TMUB2: variants seen among roughly 807,000 people sequenced by gnomAD.
The protein encoded by TMUB2 is transmembrane and ubiquitin like domain containing 2, also known as transmembrane and ubiquitin-like domain-containing protein 2.
TMUB2 carries 19 observed loss-of-function variants against 20.2 expected under a neutral mutation model. The ratio of observed to expected loss-of-function variants is 0.94; its 90% confidence interval spans 0.66 to 1.38. TMUB2 has a LOEUF of 1.38. Ranked by LOEUF, TMUB2 falls within the 40% of genes most tolerant of loss-of-function variation. The pLI is 0.00. For synonymous variants in TMUB2, 186 were observed against 166.0 expected, an observed-to-expected ratio of 1.12 and a Z score of -0.92; for missense variants, 426 against 402.5, an observed-to-expected ratio of 1.06 and a Z score of -0.50.
rs558962821 is a variant in TMUB2, at chr17:44,188,005, G to A, written c.35+262G>A. 1,404 of 518,962 alleles carry A rather than the reference G, an allele frequency of 2.7e-3. 6 individuals are homozygous for A. The highest frequency in any genetic ancestry group is 2.9e-3 in the Non-Finnish European group (821 of 287,362). The allele number at this position is 518,962 out of a possible 1,614,324, so 32.1% of individuals were successfully genotyped here. A position where few individuals can be genotyped will look rare whatever the true frequency, so the allele number is the denominator to read the frequency against. On this transcript the variant is annotated intron_variant, in intron 2 of 3. Coordinates refer to ENST00000538716, the MANE Select transcript of TMUB2 (RefSeq NM_001076674.3). The stretch of plus-strand genomic sequence containing the variant: ...CTACCAGGAGTCTAATAGAAAGATG[G>A]ACAGGTACATAAGTATAATGAAGTT...
At chr17:44,188,505 G>C (rs2054819715) in intron 2 of TMUB2, among the ~76,000 whole-genome samples, 1 of 152,202 alleles carries the variant, frequency 6.6e-6, no homozygotes, top group African/African-American at 2.4e-5. Flanking sequence ...TCTGTGACCA[G>C]GAATGAAATA....
intron 1 of TMUB2, chr17:44,187,407 G>A: frequency 2.4e-6 from 1 of 420,304 alleles, no homozygotes; most frequent in South Asian, 3.1e-5. Context: ...AAGGGTGCGG[G>A]ACCCCTCCTC....
intron 3 of TMUB2, 152 bp from the exon 4 acceptor site, chr17:44,190,349 C>CAAAA (rs34097625): frequency 2.1e-4 from 68 of 324,736 alleles, no homozygotes; most frequent in African/African-American, 1.3e-3. Context: ...GACTCCGTCT[C>CAAAA]AAAAAAAAAA....
In TMUB2 at chr17:44,191,054, G is replaced by A. The variant is rs888273841; in HGVS notation, c.*190G>A. ...CCACAGGAGTACAGATGTCCCTCCCGTGCGAGCACAACTCAGGTAGAAATG... is the reference window on the plus strand; with the variant it reads ...CCACAGGAGTACAGATGTCCCTCCCATGCGAGCACAACTCAGGTAGAAATG... On this transcript the variant is annotated 3_prime_UTR_variant, in exon 4 of 4. Coordinates refer to ENST00000538716, the MANE Select transcript of TMUB2 (RefSeq NM_001076674.3). The A allele has an allele frequency of 1.1e-5, 16 of 1,397,796 alleles. No homozygotes were observed. The highest frequency in any genetic ancestry group is 1.6e-5 in the South Asian group (1 of 61,814). 86.6% of individuals were successfully genotyped at this position (1,397,796 alleles called of 1,614,324 possible). A position where few individuals can be genotyped will look rare whatever the true frequency, so the allele number is the denominator to read the frequency against.
rs1376511682 is a variant in TMUB2, at chr17:44,190,699, T to C, written c.801T>C (p.Gly267=). 2 of 1,614,078 alleles carry C rather than the reference T, an allele frequency of 1.2e-6. No homozygotes were observed. Among genetic ancestry groups the C allele is most frequent in the African/African-American group, 2.7e-5 (2 of 74,928 alleles). Residue 267 remains glycine (G), a synonymous_variant, in exon 4 of 4, where the codon GGT becomes GGC. Transcript: ENST00000538716. ...APSATEPPSL[G]VNVGSLMVPV... is the part of the protein sequence containing the mutation. ...CGGCCACTGAGCCACCCAGCCTTGGTGTCAATGTGGGCAGCCTCATGGTGC... is the reference window on the plus strand; with the variant it reads ...CGGCCACTGAGCCACCCAGCCTTGGCGTCAATGTGGGCAGCCTCATGGTGC...
Position 44,189,438 on chromosome 17 carries a change from G to A in TMUB2, c.452G>A (p.Gly151Asp). 4.3e-6 allele frequency: 7 copies of A among 1,614,088 alleles called. No individual in the cohort carries two copies. The highest frequency in any genetic ancestry group is 5.9e-6 in the Non-Finnish European group (7 of 1,180,004). The change falls in exon 3 of 4, where the codon GGC (glycine) becomes GAC (aspartate). Residue 151 changes from glycine to aspartate, a missense_variant. Physicochemically the swap from Gly to Asp is moderately conservative, Grantham distance 94 (BLOSUM62 -1). Transcript: ENST00000538716. Reference protein sequence around the residue: ...QGLPKRQAGAGSSSPEAPLRS... With the variant: ...QGLPKRQAGADSSSPEAPLRS... ...CTGCCCAAAAGACAAGCAGGTGCAGGCAGCAGCAGTCCAGAGGCCCCCCTG... is the reference window on the plus strand; with the variant it reads ...CTGCCCAAAAGACAAGCAGGTGCAGACAGCAGCAGTCCAGAGGCCCCCCTG...
chr17:44,189,989 C>T (rs967234928), intron 3 of TMUB2: 4 of 162,012 alleles, frequency 2.5e-5, no homozygotes, highest in Non-Finnish European at 5.2e-5. Flanking sequence ...CCAGCCTGGG[C>T]GACAGAGTGA....
rs1213702434 is a variant in TMUB2, at chr17:44,187,704, C to T, written c.-5C>T. On this transcript the variant is annotated 5_prime_UTR_variant, in exon 2 of 4. Coordinates refer to ENST00000538716, the MANE Select transcript of TMUB2 (RefSeq NM_001076674.3). ...GCCAGGCACTGTGCCAAGTATTTTGCTTCGATGATTTCACGTCATCTTCAA... is the reference window on the plus strand; with the variant it reads ...GCCAGGCACTGTGCCAAGTATTTTGTTTCGATGATTTCACGTCATCTTCAA... The T allele has an allele frequency of 2.8e-6, 2 of 718,472 alleles. No homozygotes were observed. Among genetic ancestry groups the T allele is most frequent in the Non-Finnish European group, 5.2e-6 (2 of 385,078 alleles). The allele number at this position is 718,472 out of a possible 1,614,324, so 44.5% of individuals were successfully genotyped here. A position where few individuals can be genotyped will look rare whatever the true frequency, so the allele number is the denominator to read the frequency against.
chr17:44,191,271 G>C lies in TMUB2; in HGVS notation c.*407G>C. ...CTCAGCATGGCCCCAGCACAACTCC[G>C]TAGGGAGCCTGGAGTATCCTTCCAT... On this transcript the variant is annotated 3_prime_UTR_variant, in exon 4 of 4. Coordinates refer to ENST00000538716, the MANE Select transcript of TMUB2 (RefSeq NM_001076674.3). 1 of 1,005,626 alleles carries C rather than the reference G, an allele frequency of 9.9e-7. No individual in the cohort carries two copies. The highest frequency in any genetic ancestry group is 4.2e-5 in the South Asian group (1 of 23,632). 62.3% of individuals were successfully genotyped at this position (1,005,626 alleles called of 1,614,324 possible).
chr17:44,187,962 AATAC>A, intron 2 of TMUB2: 1 of 568,134 alleles, frequency 1.8e-6, no homozygotes, highest in South Asian at 2.2e-5. Flanking sequence ...TACCAAGAGA[AATAC>A]ATACGATCCT....
chr17:44,190,272 A>C, intron 3 of TMUB2: 10 of 410,648 alleles, frequency 2.4e-5, no homozygotes, highest in East Asian at 4.3e-5. Flanking sequence ...AATTGCTTGA[A>C]CCCGGGAGGC....
rs1413163384 is a variant in TMUB2, at chr17:44,191,663, C to T, written c.*799C>T. On this transcript the variant is annotated 3_prime_UTR_variant, in exon 4 of 4. Transcript: ENST00000538716. ...TGGGTATGGATTGCTGGGCCCTAGG[C>T]TCTTGCTTCTGGGGCTATTGGAGGG... The T allele has an allele frequency of 3.0e-6, 3 of 985,840 alleles. No individual in the cohort carries two copies. Among genetic ancestry groups the T allele is most frequent in the Non-Finnish European group, 3.6e-6 (3 of 829,976 alleles). 61.1% of individuals were successfully genotyped at this position (985,840 alleles called of 1,614,324 possible). A position where few individuals can be genotyped will look rare whatever the true frequency, so the allele number is the denominator to read the frequency against.
chr17:44,190,837 C>T lies in TMUB2; in HGVS notation c.939C>T (p.Phe313=), dbSNP rs1253027872. Residue 313 remains phenylalanine, a synonymous_variant, in exon 4 of 4, where the codon TTC becomes TTT. Coordinates refer to ENST00000538716, the MANE Select transcript of TMUB2 (RefSeq NM_001076674.3). ...TGGGAGTCACCGTCTTCTTCAGCTT[C>T]CTAGTATTTGGGATGTATGGACGAT... ...SLVGVTVFFS[F]LVFGMYGR 3.1e-6 allele frequency: 5 copies of T among 1,613,490 alleles called. No individual in the cohort carries two copies. Among genetic ancestry groups the T allele is most frequent in the East Asian group, 2.2e-5 (1 of 44,900 alleles).
At chr17:44,189,666 C>T in intron 3 of TMUB2, 78 bp downstream of exon 3, 1 of 1,345,048 alleles carries the variant, frequency 7.4e-7, no homozygotes, top group East Asian at 2.4e-5. Context: ...CTGGTGCAGA[C>T]ATGGGAGCTG....
At chr17:44,190,277 G>A (rs1598172470) in intron 3 of TMUB2, 1 of 445,858 alleles carries the variant, frequency 2.2e-6, no homozygotes, top group East Asian at 3.8e-5. Flanking sequence ...CTTGAACCCG[G>A]GAGGCAGAGG....
rs938796557 is a variant in TMUB2 at position 44,191,533 on chromosome 17, T to C, written c.*669T>C. On this transcript the variant is annotated 3_prime_UTR_variant, in exon 4 of 4. Coordinates refer to ENST00000538716, the MANE Select transcript of TMUB2 (RefSeq NM_001076674.3). Reference sequence around the variant, plus strand: ...GGGGCACCAAGCCAAGCCCCCAGCATTGGGAGCGGCCAGGCCACAGCTGCT... The same window carrying C: ...GGGGCACCAAGCCAAGCCCCCAGCACTGGGAGCGGCCAGGCCACAGCTGCT... 4.1e-6 allele frequency: 4 copies of C among 985,916 alleles called. No homozygotes were observed. The highest frequency in any genetic ancestry group is 6.1e-5 in the Admixed American group (1 of 16,268). 61.1% of individuals were successfully genotyped at this position (985,916 alleles called of 1,614,324 possible). A position where few individuals can be genotyped will look rare whatever the true frequency, so the allele number is the denominator to read the frequency against.
rs114359465 is a variant in TMUB2 at position 44,187,877 on chromosome 17, A to T, written c.35+134A>T. On this transcript the variant is annotated intron_variant, in intron 2 of 3. Coordinates refer to ENST00000538716, the MANE Select transcript of TMUB2 (RefSeq NM_001076674.3). The stretch of plus-strand genomic sequence containing the variant: ...GTTTTTCTAACTCCAGGGCCGGTAT[A>T]TTAAATAAGGATGTTGATGTGTTCC... 1.6e-3 allele frequency: 1,080 copies of T among 683,292 alleles called. 11 individuals carry two copies. In the African/African-American group the frequency reaches 0.017, roughly 11 times the overall value. The allele number at this position is 683,292 out of a possible 1,614,324, so 42.3% of individuals were successfully genotyped here.
chr17:44,187,814 A>G (rs2144258806), intron 2 of TMUB2, 71 bp downstream of exon 2: 1 of 715,176 alleles, frequency 1.4e-6, no homozygotes, highest in South Asian at 1.5e-5. Context: ...CTGAGGTGTT[A>G]TAGCTAGTAA....
In TMUB2 at chr17:44,191,571, C is replaced by T; in HGVS notation, c.*707C>T. ...GGCCACAGCTGCTGCTCCCGTAGTC[C>T]TCAGGCTGTAAGCAAGAGACAGCAC... On this transcript the variant is annotated 3_prime_UTR_variant, in exon 4 of 4. Transcript: ENST00000538716. 1.0e-6 allele frequency: 1 copy of T among 986,098 alleles called. No homozygotes were observed. The highest frequency in any genetic ancestry group is 1.7e-5 in the African/African-American group (1 of 57,368). 61.1% of individuals were successfully genotyped at this position (986,098 alleles called of 1,614,324 possible). A position where few individuals can be genotyped will look rare whatever the true frequency, so the allele number is the denominator to read the frequency against.
Sources: gnomAD v4.1 joint callset for allele counts (sites outside exome capture counted in the v4.1 genomes callset) on GRCh38, gnomAD v4.1.1 for gene constraint, MANE v1.5 for transcripts, NCBI Gene and HGNC (gene_info 2026-07-23, HGNC 2026-07-21) for gene names.